The following MOGAT2 variants were observed in gnomAD, a reference collection of about 807,000 sequenced individuals.
The protein encoded by MOGAT2 is monoacylglycerol O-acyltransferase 2.
A neutral mutation model predicts 31.5 loss-of-function variants in MOGAT2; 27 were observed. The observed-to-expected ratio is 0.86, with a 90% CI of 0.63 to 1.18. MOGAT2 has a LOEUF of 1.18. MOGAT2 is among the 50% of genes most tolerant of loss of function. MOGAT2 has a pLI of 0.00. For missense variants in MOGAT2, 436 were observed against 433.2 expected, an observed-to-expected ratio of 1.01 and a Z score of -0.06; for synonymous variants, 163 against 170.0, an observed-to-expected ratio of 0.96 and a Z score of 0.32.
At chr11:75,719,843 C>T (rs764397890) in intron 1 of MOGAT2, 149 bp from the exon 2 acceptor site, 55 of 727,016 alleles carry the variant, frequency 7.6e-5, no homozygotes, top group South Asian at 3.6e-4. Context: ...TCTTTGAATG[C>T]CCCGGAAGCT....
chr11:75,730,048 G>A (rs1025392952), intron 5 of MOGAT2, among the ~76,000 whole-genome samples: 2 of 152,168 alleles, frequency 1.3e-5, no homozygotes, highest in African/African-American at 4.8e-5. Flanking sequence ...CCTGGCCTCC[G>A]ACAGACTTTA....
At position 75,732,169 on chromosome 11, in the gene MOGAT2, C is replaced by G. The variant is rs1448803151; in HGVS notation, c.*883C>G. 6.6e-6 allele frequency: 1 copy of G among 152,246 alleles called. No homozygotes were observed. The highest frequency in any genetic ancestry group is 2.4e-5 in the African/African-American group (1 of 41,428). The allele number at this position is 152,246 out of a possible 1,614,324, so 9.4% of individuals were successfully genotyped here. Reference sequence around the variant, plus strand: ...TTGAGGTGTGTGCACTGTTTCCACCCTGAGGCCTGGAAGGATGAATGGAAG... The same window carrying G: ...TTGAGGTGTGTGCACTGTTTCCACCGTGAGGCCTGGAAGGATGAATGGAAG... On this transcript the variant is annotated 3_prime_UTR_variant, in exon 6 of 6. Transcript: ENST00000198801.
rs373529975 is a variant in MOGAT2, at chr11:75,731,302, C to A, written c.*16C>A. On this transcript the variant is annotated 3_prime_UTR_variant, in exon 6 of 6. Transcript: ENST00000198801. Reference sequence around the variant, plus strand: ...GTTCTGCTGAGCCCAAAGGGCAGGGCCAACATTAGGGAGCCCAGCAGGAGG... The same window carrying A: ...GTTCTGCTGAGCCCAAAGGGCAGGGACAACATTAGGGAGCCCAGCAGGAGG... 1 of 1,612,524 alleles carries A rather than the reference C, an allele frequency of 6.2e-7. No individual in the cohort carries two copies. The highest frequency in any genetic ancestry group is 8.5e-7 in the Non-Finnish European group (1 of 1,179,178).
chr11:75,729,826 C>T (rs1944459429), intron 5 of MOGAT2, among the ~76,000 whole-genome samples: 3 of 142,514 alleles, frequency 2.1e-5, no homozygotes, highest in African/African-American at 7.8e-5. Flanking sequence ...CTCACTGCAA[C>T]CTCCACCTCC....
rs1357735428 is a variant in MOGAT2, at chr11:75,720,132, A to G, written c.232A>G (p.Thr78Ala). 6.2e-7 allele frequency: 1 copy of G among 1,613,932 alleles called. No individual in the cohort carries two copies. The highest frequency in any genetic ancestry group is 1.7e-5 in the Admixed American group (1 of 60,010). ...GCACATCCAGGCCATCAGGTGCTGG[A>G]CTATATGGAAGTACATGAAGGACTA... ...GRHIQAIRCW[T>A]IWKYMKDYFP... Residue 78 changes from threonine to alanine, a missense_variant, in exon 2 of 6, where the codon ACT becomes GCT. Coordinates refer to ENST00000198801, the MANE Select transcript of MOGAT2 (RefSeq NM_025098.4).
At chr11:75,731,041 A>G (rs1002837071) in intron 5 of MOGAT2, 91 bp from the exon 6 acceptor site, 1 of 1,114,326 alleles carries the variant, frequency 9.0e-7, no homozygotes, top group Non-Finnish European at 1.3e-6. Flanking sequence ...GAGTAAGAGC[A>G]CTTTTCTGCA....
chr11:75,725,522 TGGG>T (rs1944414112), intron 2 of MOGAT2, among the ~76,000 whole-genome samples: 1 of 150,706 alleles, frequency 6.6e-6, no homozygotes. Flanking sequence ...CACTCCAGCC[TGGG>T]CAACAGAGTG....
rs763972559 is a variant in MOGAT2 at position 75,727,685 on chromosome 11, C to T, written c.475+46C>T. 30 of 1,566,570 alleles carry T rather than the reference C, an allele frequency of 1.9e-5. 1 individual carries two copies. Among genetic ancestry groups the T allele is most frequent in the Middle Eastern group, 1.7e-4 (1 of 5,876 alleles). On this transcript the variant is annotated intron_variant, in intron 3 of 5. Coordinates refer to ENST00000198801, the MANE Select transcript of MOGAT2 (RefSeq NM_025098.4). ...GCAGCTCAGGAAGGTAACAAATTTT[C>T]GGAAGGGTTGCCAATAGTTCTGTAC...
chr11:75,718,053 C>T, intron 1 of MOGAT2, 74 bp downstream of exon 1: 1 of 1,381,898 alleles, frequency 7.2e-7, no homozygotes, highest in Non-Finnish European at 1.0e-6. Flanking sequence ...CAGGTGCACA[C>T]AGCACATTGA....
chr11:75,728,043 C>T lies in MOGAT2; in HGVS notation c.549C>T (p.Ile183=), dbSNP rs780121226. ...AGGGTGGCGGAAACTTGCTGGGCAT[C>T]ATTGTAGGGGGTGCCCAGGAGGCCC... ...NRKGGGNLLG[I]IVGGAQEALD... is the part of the protein sequence containing the mutation. Residue 183 remains isoleucine (I), a synonymous_variant, in exon 4 of 6, where the codon ATC becomes ATT. Transcript: ENST00000198801. 1 of 1,614,040 alleles carries T rather than the reference C, an allele frequency of 6.2e-7. No individual in the cohort carries two copies. Among genetic ancestry groups the T allele is most frequent in the South Asian group, 1.1e-5 (1 of 91,084 alleles).
chr11:75,731,025 G>A (rs780134901), intron 5 of MOGAT2, 107 bp from the exon 6 acceptor site: 4 of 863,344 alleles, frequency 4.6e-6, no homozygotes, highest in Non-Finnish European at 7.0e-6. Context: ...AGGGTTGGAA[G>A]GAATGGAGTA....
At chr11:75,720,299 G>A in intron 2 of MOGAT2, 129 bp downstream of exon 2, 1 of 993,238 alleles carries the variant, frequency 1.0e-6, no homozygotes, top group South Asian at 1.7e-5. Context: ...TGGGAGGCAG[G>A]AGCTAGGGCT....
intron 2 of MOGAT2, among the ~76,000 whole-genome samples, chr11:75,724,475 A>G (rs1230753650): frequency 6.6e-6 from 1 of 152,092 alleles, no homozygotes; most frequent in Non-Finnish European, 1.5e-5. Flanking sequence ...TGTCTAGGTC[A>G]CTGAGCCAGT....
chr11:75,720,262 C>T (rs1944366662), intron 2 of MOGAT2, 92 bp downstream of exon 2: 1 of 1,390,436 alleles, frequency 7.2e-7, no homozygotes. Flanking sequence ...GAATATGGCC[C>T]TGCATGCACT....
At chr11:75,719,152 C>A (rs183332529) in intron 1 of MOGAT2, among the ~76,000 whole-genome samples, 37 of 152,308 alleles carry the variant, frequency 2.4e-4, no homozygotes, top group African/African-American at 8.4e-4. Context: ...TTCCTGTATA[C>A]CCCCTTTGCA....
At chr11:75,725,500 A>T (rs1944413856) in intron 2 of MOGAT2, among the ~76,000 whole-genome samples, 1 of 152,084 alleles carries the variant, frequency 6.6e-6, no homozygotes, top group African/African-American at 2.4e-5. Flanking sequence ...GTGAGCTGAG[A>T]TCATGCCACT....
chr11:75,720,253 A>T, intron 2 of MOGAT2, 83 bp downstream of exon 2: 2 of 1,471,490 alleles, frequency 1.4e-6, no homozygotes, highest in Non-Finnish European at 1.9e-6. Context: ...TCCATGGGAG[A>T]ATATGGCCCT....
intron 1 of MOGAT2, among the ~76,000 whole-genome samples, chr11:75,718,981 TCA>T (rs57949402): frequency 2.5e-4 from 37 of 150,108 alleles, no homozygotes; most frequent in African/African-American, 1.5e-4. Flanking sequence ...TCTCTCTCTC[TCA>T]CACACACACA....
In MOGAT2 at chr11:75,727,465, C is replaced by G. The variant is rs772095311; in HGVS notation, c.301C>G (p.Arg101Gly). The stretch of plus-strand genomic sequence containing the variant: ...CAAGACTGCTGAGCTGGACCCCTCT[C>G]GGAACTACATTGCGGGCTTCCACCC... ...LVKTAELDPS[R>G]NYIAGFHPHG... The change falls in exon 3 of 6, where the codon CGG (arginine) becomes GGG (glycine). Residue 101 changes from arginine (R) to glycine (G), a missense_variant. Transcript: ENST00000198801. 6.2e-7 allele frequency: 1 copy of G among 1,614,126 alleles called. No homozygotes were observed. The highest frequency in any genetic ancestry group is 1.7e-5 in the Admixed American group (1 of 60,018).
Sources: gnomAD v4.1 joint callset for allele counts (sites outside exome capture counted in the v4.1 genomes callset) on GRCh38, gnomAD v4.1.1 for gene constraint, MANE v1.5 for transcripts, NCBI Gene and HGNC (gene_info 2026-07-23, HGNC 2026-07-21) for gene names.